The following TSPEAR variants were observed in gnomAD, a reference collection of about 807,000 sequenced individuals.
TSPEAR encodes thrombospondin-type laminin G domain and EAR repeat-containing protein.
A neutral mutation model predicts 71.6 loss-of-function variants in TSPEAR; 69 were observed. That is an observed-to-expected ratio of 0.96 (90% confidence interval 0.79 to 1.18). The LOEUF is 1.18. TSPEAR is among the 50% of genes most tolerant of loss of function. The pLI is 0.00. For missense variants in TSPEAR, 971 were observed against 894.9 expected (o/e 1.09, Z -1.09); for synonymous variants, 402 against 387.2 (o/e 1.04, Z -0.45).
In TSPEAR at chr21:44,690,968, G is replaced by C. The variant is rs1369140320; in HGVS notation, c.82+20465C>G. ...ATTTTTTCAAACTGAATCTGACCTAGAAGTCAAGTCTGTAAAACAGATTAA... is the reference window on the plus strand; with the variant it reads ...ATTTTTTCAAACTGAATCTGACCTACAAGTCAAGTCTGTAAAACAGATTAA... On this transcript the variant is annotated intron_variant, in intron 1 of 11. Transcript: ENST00000323084. 2.6e-5 allele frequency among the ~76,000 whole-genome samples: 4 copies of C among 152,158 alleles called. No homozygotes were observed. The East Asian group carries it at 7.7e-4, about 29-fold the overall frequency.
intron 1 of TSPEAR, chr21:44,646,823 C>T: frequency 1.3e-6 from 2 of 1,572,892 alleles, no homozygotes; most frequent in Non-Finnish European, 1.7e-6. Flanking sequence ...TGCTGTGGGG[C>T]TGCTTCTTCG....
chr21:44,499,552 C>T lies in TSPEAR; in HGVS notation c.*231G>A, dbSNP rs1601308071. Reference sequence around the variant, plus strand: ...GGCGAGCACTGGCAGGGGCTCTGGGCCTCTGCCTGCAAGACCAGACCGTCA... The same window carrying T: ...GGCGAGCACTGGCAGGGGCTCTGGGTCTCTGCCTGCAAGACCAGACCGTCA... On this transcript the variant is annotated 3_prime_UTR_variant, in exon 12 of 12. Coordinates refer to ENST00000323084, the MANE Select transcript of TSPEAR (RefSeq NM_144991.3). The T allele has an allele frequency of 7.8e-6, 4 of 510,630 alleles. No homozygotes were observed. The South Asian group carries it at 8.3e-5, about 11-fold the overall frequency. 31.6% of individuals were successfully genotyped at this position (510,630 alleles called of 1,614,324 possible).
At chr21:44,576,156 C>T (rs466560) in intron 1 of TSPEAR, among the ~76,000 whole-genome samples, 128,904 of 152,260 alleles carry the variant, frequency 0.85, 56,813 homozygotes, top group Non-Finnish European at 0.97. Flanking sequence ...TTTCCATGCA[C>T]AGGTGTCAGA....
In TSPEAR at chr21:44,642,417, CAGCGAGAGAGAT is replaced by C. The variant is rs1450102258; in HGVS notation, c.82+69004_82+69015del. Among the ~76,000 whole-genome samples the C allele has an allele frequency of 3.3e-5, 5 of 152,094 alleles. No homozygotes were observed. Among genetic ancestry groups the C allele is most frequent in the Admixed American group, 3.3e-4 (5 of 15,272 alleles). ...ATCCTGATGCCAAAACCAGGAATAA[CAGCGAGAGAGAT>C]AGGACTGTAGACCAACATCATTTAA... On this transcript the variant is annotated intron_variant, in intron 1 of 11. Transcript: ENST00000323084. This position sits in a 1 kb window ranked among gnomAD's most constrained non-coding sequence, Gnocchi z 4.1.
intron 5 of TSPEAR, among the ~76,000 whole-genome samples, chr21:44,529,229 G>T (rs587744809): frequency 6.6e-6 from 1 of 152,214 alleles, no homozygotes; most frequent in Non-Finnish European, 1.5e-5. Flanking sequence ...GGGATGCGGC[G>T]GGGAGGGGCA....
chr21:44,698,999 G>A lies in TSPEAR; in HGVS notation c.82+12434C>T, dbSNP rs557112480. Among the ~76,000 whole-genome samples the A allele has an allele frequency of 2.6e-5, 4 of 152,180 alleles. No homozygotes were observed. In the South Asian group the frequency reaches 6.2e-4, roughly 24 times the overall value. Reference sequence around the variant, plus strand: ...GAAGATCACTTGAGCCCAGGAATTCGAGACCAGCCTGGCCAACATAGTGAG... The same window carrying A: ...GAAGATCACTTGAGCCCAGGAATTCAAGACCAGCCTGGCCAACATAGTGAG... On this transcript the variant is annotated intron_variant, in intron 1 of 11. Transcript: ENST00000323084.
At chr21:44,514,213 C>T (rs2052485369) in intron 9 of TSPEAR, among the ~76,000 whole-genome samples, 1 of 152,214 alleles carries the variant, frequency 6.6e-6, no homozygotes, top group Non-Finnish European at 1.5e-5. Context: ...GATGGAGACT[C>T]AGACACAGCC....
intron 1 of TSPEAR, among the ~76,000 whole-genome samples, chr21:44,568,882 T>G (rs1320614961): frequency 1.3e-5 from 2 of 152,120 alleles, no homozygotes; most frequent in African/African-American, 4.8e-5. Flanking sequence ...GGGTGTTGGG[T>G]CAGTCCACTC....
intron 1 of TSPEAR, among the ~76,000 whole-genome samples, chr21:44,693,748 C>T (rs782267452): frequency 5.3e-5 from 8 of 151,940 alleles, no homozygotes; most frequent in Non-Finnish European, 7.4e-5. Flanking sequence ...GCAACCACTG[C>T]GGAAACATTT....
At chr21:44,647,028 G>A in intron 1 of TSPEAR, 1 of 1,613,828 alleles carries the variant, frequency 6.2e-7, no homozygotes, top group Non-Finnish European at 8.5e-7. Flanking sequence ...CCTGCTGCGT[G>A]CCTGTCTGCT....
chr21:44,508,625 AC>A, intron 10 of TSPEAR: 3 of 1,182,786 alleles, frequency 2.5e-6, no homozygotes, highest in Non-Finnish European at 3.2e-6. Context: ...TGCCCACGCA[AC>A]CTCCTGTGGC....
chr21:44,671,286 A>T (rs1319949330), intron 1 of TSPEAR, among the ~76,000 whole-genome samples: 1 of 152,194 alleles, frequency 6.6e-6, no homozygotes, highest in Non-Finnish European at 1.5e-5. Flanking sequence ...TGCTACTACC[A>T]TCATCCATGT....
chr21:44,658,400 G>C, intron 1 of TSPEAR: 1 of 896,860 alleles, frequency 1.1e-6, no homozygotes, highest in Non-Finnish European at 1.7e-6. Flanking sequence ...TCTGGGGTGA[G>C]AACGTGGAAA....
At chr21:44,550,667 G>T (rs143732154) in intron 2 of TSPEAR, 1 of 1,610,180 alleles carries the variant, frequency 6.2e-7, no homozygotes, top group Non-Finnish European at 8.5e-7. Flanking sequence ...GCCTGAGCCC[G>T]GCTGGCCCTG....
In TSPEAR at chr21:44,687,104, G is replaced by A. The variant is rs868989374; in HGVS notation, c.82+24329C>T. On this transcript the variant is annotated intron_variant, in intron 1 of 11. Coordinates refer to ENST00000323084, the MANE Select transcript of TSPEAR (RefSeq NM_144991.3). The surrounding 1 kb of genome is among the most constrained non-coding windows in gnomAD (Gnocchi z 4.4). ...ACCAAGCCACAGGACGAAGGGCTGC[G>A]GGAAGAAGGAGGCTGAGCCTGGGGA... Among the ~76,000 whole-genome samples the A allele has an allele frequency of 1.3e-5, 2 of 152,332 alleles. No homozygotes were observed. Among genetic ancestry groups the A allele is most frequent in the Middle Eastern group, 3.4e-3 (1 of 294 alleles).
intron 1 of TSPEAR, among the ~76,000 whole-genome samples, chr21:44,599,218 C>T (rs1281260059): frequency 2.0e-5 from 3 of 149,230 alleles, no homozygotes; most frequent in Non-Finnish European, 4.4e-5. Context: ...AGGGACCAGG[C>T]CATGCTCAAA....
chr21:44,501,867 C>A (rs2052038654), intron 11 of TSPEAR, among the ~76,000 whole-genome samples: 1 of 152,148 alleles, frequency 6.6e-6, no homozygotes, highest in Non-Finnish European at 1.5e-5. Flanking sequence ...GAGAAAAAAT[C>A]CTATTCTTCA....
chr21:44,709,901 T>A (rs1330773207), intron 1 of TSPEAR, among the ~76,000 whole-genome samples: 1 of 152,270 alleles, frequency 6.6e-6, no homozygotes, highest in Non-Finnish European at 1.5e-5. Context: ...ACTTGACTTT[T>A]ATCTTTCCTC....
At chr21:44,609,632 ATATTTGAACCTCTTGAGTG>A (rs1981530972) in intron 1 of TSPEAR, among the ~76,000 whole-genome samples, 1 of 152,228 alleles carries the variant, frequency 6.6e-6, no homozygotes, top group African/African-American at 2.4e-5. Flanking sequence ...ATAGATTGTT[ATATTTGAACCTCTTGAGTG>A]GAGCATGGGG....
Sources: allele counts gnomAD v4.1 joint callset (sites outside exome capture counted in the v4.1 genomes callset), GRCh38; gene constraint gnomAD v4.1.1; non-coding constraint Gnocchi (gnomAD v3.1); transcripts MANE v1.5; gene names NCBI Gene and HGNC (gene_info 2026-07-23, HGNC 2026-07-21).